UBL5: variants seen among roughly 807,000 people sequenced by gnomAD.
The protein encoded by UBL5 is ubiquitin like 5.
UBL5 carries 13 observed loss-of-function variants against 11.7 expected under a neutral mutation model. The observed-to-expected ratio is 1.11, with a 90% CI of 0.73 to 1.77. The LOEUF (loss-of-function observed/expected upper bound fraction) is 1.77, where lower values mean the gene tolerates loss of function less well. Among genes scored for constraint, UBL5 ranks in the 40% most tolerant of loss-of-function variants. The probability of loss-of-function intolerance (pLI) is 0.00; values close to 1 mark genes in which losing one functional copy is unlikely to be tolerated. For synonymous variants in UBL5, 28 were observed against 34.7 expected (o/e 0.81, Z 0.68); for missense variants, 58 against 92.3 (o/e 0.63, Z 1.52).
chr19:9,829,910 TGA>T (rs2046046318), intron 4 of UBL5, 53 bp from the exon 5 acceptor site: 1 of 1,606,050 alleles, frequency 6.2e-7, no homozygotes, highest in African/African-American at 1.3e-5. Flanking sequence ...TGTGAATGGA[TGA>T]GAGGGGTGGG....
chr19:9,829,897 G>A (rs1396174102), intron 4 of UBL5, 68 bp from the exon 5 acceptor site: 22 of 1,595,040 alleles, frequency 1.4e-5, no homozygotes, highest in South Asian at 1.2e-4. Flanking sequence ...CACCTGACCC[G>A]GCTGTGAATG....
intron 4 of UBL5, chr19:9,829,344 C>A: frequency 5.9e-6 from 1 of 170,698 alleles, no homozygotes; most frequent in South Asian, 1.2e-4. Context: ...CCACTCCCTG[C>A]TAGTTTTTGT....
intron 4 of UBL5, 82 bp downstream of exon 4, chr19:9,828,956 T>C: frequency 7.5e-7 from 1 of 1,340,540 alleles, no homozygotes; most frequent in Non-Finnish European, 1.1e-6. Context: ...TGCATGAGCT[T>C]ATGCATATTA....
At chr19:9,828,762 G>A (rs1227689593) in intron 3 of UBL5, 75 bp from the exon 4 acceptor site, 1 of 1,610,752 alleles carries the variant, frequency 6.2e-7, no homozygotes, top group Non-Finnish European at 8.5e-7. Flanking sequence ...CCTTTGCTTA[G>A]GCTTGGCTAC....
At chr19:9,829,616 C>T in intron 4 of UBL5, 1 of 222,570 alleles carries the variant, frequency 4.5e-6, no homozygotes, top group Non-Finnish European at 9.0e-6. Context: ...CTGTCTCAGC[C>T]TTCCAAGTAG....
At chr19:9,828,976 C>T (rs1441370481) in intron 4 of UBL5, 102 bp downstream of exon 4, 2 of 1,151,640 alleles carry the variant, frequency 1.7e-6, no homozygotes, top group South Asian at 1.2e-5. Context: ...AAGTGTTTAA[C>T]TTAATACGTG....
chr19:9,828,661 T>A lies in UBL5; in HGVS notation c.126T>A (p.Ile42=), dbSNP rs377581463. The change falls in exon 3 of 5, where the codon ATT becomes ATA. Residue 42 remains isoleucine, a synonymous_variant. Transcript: ENST00000586895. The stretch of plus-strand genomic sequence containing the variant: ...AAACTGGTACCCGTTGGAACAAGAT[T>A]GTCCTGAAGAAGTGGTGAGTGCAGC... The part of the protein sequence containing the change: ...AAQTGTRWNK[I]VLKKWYTIFK... 1 of 1,614,064 alleles carries A rather than the reference T, an allele frequency of 6.2e-7. No homozygotes were observed. The highest frequency in any genetic ancestry group is 1.3e-5 in the African/African-American group (1 of 74,924).
rs965376309 is a variant in UBL5, at chr19:9,828,056, C to A, written c.-12+72C>A. Reference sequence around the variant, plus strand: ...GACCCAGCCACCCAGGGTCTGGGGTCGGTGGGAGGTGAGGCCAGGGAGTTT... The same window carrying A: ...GACCCAGCCACCCAGGGTCTGGGGTAGGTGGGAGGTGAGGCCAGGGAGTTT... On this transcript the variant is annotated intron_variant, in intron 1 of 4. Transcript: ENST00000586895. 2.9e-5 allele frequency: 16 copies of A among 550,112 alleles called. No homozygotes were observed. The African/African-American group carries it at 3.0e-4, about 10-fold the overall frequency. 34.1% of individuals were successfully genotyped at this position (550,112 alleles called of 1,614,324 possible). A position where few individuals can be genotyped will look rare whatever the true frequency, so the allele number is the denominator to read the frequency against.
chr19:9,828,122 G>T (rs1288113855), intron 1 of UBL5, 138 bp downstream of exon 1: 4 of 600,726 alleles, frequency 6.7e-6, no homozygotes, highest in African/African-American at 1.9e-5. Flanking sequence ...GCGGAGGCGC[G>T]GCTCCCCGGG....
Position 9,829,188 on chromosome 19 carries a change from ATTTAT to A in UBL5, c.178+317_178+321del, listed in dbSNP as rs1215095806. 2.5e-5 allele frequency: 8 copies of A among 323,610 alleles called. No homozygotes were observed. In the Admixed American group the frequency reaches 3.6e-4, roughly 14 times the overall value. The allele number at this position is 323,610 out of a possible 1,614,324, so 20.0% of individuals were successfully genotyped here. ...AGAAACTTTTTACAATTTTTATTTT[ATTTAT>A]TTATTTTTTTGAGACAGTCTGGCTC... On this transcript the variant is annotated intron_variant, in intron 4 of 4. Transcript: ENST00000586895.
intron 2 of UBL5, 59 bp from the exon 3 acceptor site, chr19:9,828,533 C>T (rs2046037792): frequency 6.2e-7 from 1 of 1,610,084 alleles, no homozygotes; most frequent in Non-Finnish European, 8.5e-7. Flanking sequence ...GTATTCTGCC[C>T]TAGAATGTCC....
At chr19:9,828,416 CA>C in intron 2 of UBL5, 23 bp downstream of exon 2, 1 of 1,613,976 alleles carries the variant, frequency 6.2e-7, no homozygotes, top group Non-Finnish European at 8.5e-7. Flanking sequence ...AGCCGAGAGG[CA>C]GTGGTACCCG....
intron 1 of UBL5, 33 bp downstream of exon 1, chr19:9,828,017 G>C (rs2046033503): frequency 2.1e-6 from 1 of 474,542 alleles, no homozygotes. Context: ...CTCGGAGTCG[G>C]AGAAAGCTGT....
intron 4 of UBL5, chr19:9,829,548 T>C (rs530189539): frequency 1.8e-3 from 296 of 161,906 alleles, no homozygotes; most frequent in Admixed American, 3.6e-3. Context: ...CAGGCTGGAG[T>C]GCAGTGGTAC....
chr19:9,829,917 G>A, intron 4 of UBL5, 48 bp from the exon 5 acceptor site: 3 of 1,611,344 alleles, frequency 1.9e-6, no homozygotes, highest in Non-Finnish European at 2.5e-6. Context: ...GGATGAGAGG[G>A]GTGGGGACGG....
At chr19:9,828,926 A>T (rs570110969) in intron 4 of UBL5, 52 bp downstream of exon 4, 1 of 1,583,308 alleles carries the variant, frequency 6.3e-7, no homozygotes, top group Non-Finnish European at 8.7e-7. Context: ...AGCCTCGGTT[A>T]TCTGTTCAAA....
chr19:9,829,939 A>C lies in UBL5; in HGVS notation c.179-26A>C, dbSNP rs752323781. On this transcript the variant is annotated intron_variant, in intron 4 of 4. Transcript: ENST00000586895. ...AGGGGTGGGGACGGAAGTCAGAGTC[A>C]GGATTCCTTAACACCTTTCCTTCAG... The C allele has an allele frequency of 2.5e-6, 4 of 1,614,076 alleles. No individual in the cohort carries two copies. In the Admixed American group the frequency reaches 5.0e-5, roughly 20 times the overall value.
At chr19:9,828,076 G>A in intron 1 of UBL5, 92 bp downstream of exon 1, 1 of 581,858 alleles carries the variant, frequency 1.7e-6, no homozygotes, top group East Asian at 2.9e-5. Flanking sequence ...TGAGGCCAGG[G>A]AGTTTTGTGG....
At chr19:9,828,200 C>G in intron 1 of UBL5, 127 bp from the exon 2 acceptor site, 1 of 893,038 alleles carries the variant, frequency 1.1e-6, no homozygotes, top group Non-Finnish European at 1.8e-6. Flanking sequence ...GGGGGCAGAA[C>G]GGAAGGCTCA....
Sources: gnomAD v4.1 joint callset for allele counts on GRCh38, gnomAD v4.1.1 for gene constraint, MANE v1.5 for transcripts, NCBI Gene and HGNC (gene_info 2026-07-23, HGNC 2026-07-21) for gene names.